TTLL8: variants seen among roughly 807,000 people sequenced by gnomAD.
TTLL8 encodes the protein tubulin tyrosine ligase like 8, also known as protein monoglycylase TTLL8.
A neutral mutation model predicts 77.8 loss-of-function variants in TTLL8; 65 were observed. The observed-to-expected ratio is 0.84, with a 90% CI of 0.68 to 1.03. TTLL8 has a LOEUF of 1.03. TTLL8 is among the 50% of genes least tolerant of loss of function. TTLL8 has a pLI of 0.00. For missense variants in TTLL8, 910 were observed against 1,004.5 expected (o/e 0.91, Z 1.27); for synonymous variants, 402 against 422.8 (o/e 0.95, Z 0.60).
At chr22:50,050,283 T>C in intron 1 of TTLL8, 36 bp from the exon 4 acceptor site, 1 of 1,298,398 alleles carries the variant, frequency 7.7e-7, no homozygotes. Context: ...TTTATTTCAA[T>C]CATTTTTGGG....
intron 5 of TTLL8, among the ~76,000 whole-genome samples, 156 bp from the exon 8 acceptor site, chr22:50,045,545 T>C (rs1195763894): frequency 1.3e-5 from 2 of 150,934 alleles, no homozygotes; most frequent in Non-Finnish European, 3.0e-5. Flanking sequence ...CTGCCTGCCC[T>C]TCTCCCTGCA....
chr22:50,035,638 G>T (rs2061330867), intron 8 of TTLL8, among the ~76,000 whole-genome samples: 1 of 152,178 alleles, frequency 6.6e-6, no homozygotes, highest in Admixed American at 6.5e-5. Context: ...GGCACAGCCA[G>T]CCCCCCGCGC....
intron 12 of TTLL8, among the ~76,000 whole-genome samples, chr22:50,022,319 A>C (rs117957229): frequency 9.0e-5 from 11 of 122,444 alleles, no homozygotes; most frequent in African/African-American, 2.9e-4. Flanking sequence ...CACTCCTCCG[A>C]CGACGTGCAC....
At chr22:50,030,795 G>C (rs1245642104) in exon 12 of TTLL8, 1 of 1,349,080 alleles carries the variant, frequency 7.4e-7, no homozygotes, top group South Asian at 1.2e-5. Flanking sequence ...TGCCTTCAGC[G>C]GCTGCGCGTC....
At chr22:50,018,732 C>T (rs908836750) in intron 12 of TTLL8, among the ~76,000 whole-genome samples, 2 of 152,208 alleles carry the variant, frequency 1.3e-5, no homozygotes, top group African/African-American at 4.8e-5. Context: ...ATTCAATGTT[C>T]GGCGGGAGAG....
intron 12 of TTLL8, among the ~76,000 whole-genome samples, chr22:50,029,512 C>CG (rs1555953744): frequency 4.0e-5 from 6 of 151,788 alleles, no homozygotes; most frequent in Non-Finnish European, 7.4e-5. Flanking sequence ...GAGGCTGAGG[C>CG]GGCGGATCAC....
chr22:50,042,018 G>C (rs1301605840), intron 6 of TTLL8, among the ~76,000 whole-genome samples: 1 of 152,160 alleles, frequency 6.6e-6, no homozygotes, highest in Non-Finnish European at 1.5e-5. Flanking sequence ...CCTGTGTCTG[G>C]GCAGGTGACT....
intron 4 of TTLL8, among the ~76,000 whole-genome samples, chr22:50,046,377 A>G (rs985350495): frequency 6.6e-6 from 1 of 152,224 alleles, no homozygotes; most frequent in Non-Finnish European, 1.5e-5. Flanking sequence ...CCACATGCCC[A>G]GCACTGCCCA....
At chr22:50,035,815 T>A (rs893565859) in intron 8 of TTLL8, among the ~76,000 whole-genome samples, 4 of 152,154 alleles carry the variant, frequency 2.6e-5, no homozygotes, top group African/African-American at 9.7e-5. Context: ...AGGAGGATGA[T>A]CTGTGGGAAG....
At chr22:50,051,100 G>A (rs1245385458) in intron 1 of TTLL8, among the ~76,000 whole-genome samples, 2 of 152,154 alleles carry the variant, frequency 1.3e-5, no homozygotes, top group Non-Finnish European at 2.9e-5. Context: ...GACCTCAGGC[G>A]ATCTGCCCAC....
intron 12 of TTLL8, among the ~76,000 whole-genome samples, chr22:50,029,940 G>A (rs889889552): frequency 5.3e-5 from 8 of 151,540 alleles, no homozygotes; most frequent in African/African-American, 1.9e-4. Context: ...AAGTCTGAAC[G>A]TGTGGCCGAG....
chr22:50,053,328 A>G (rs2061454212), intron 1 of TTLL8, among the ~76,000 whole-genome samples: 1 of 152,236 alleles, frequency 6.6e-6, no homozygotes, highest in Non-Finnish European at 1.5e-5. Context: ...CATTGCACAT[A>G]GCACATTCTC....
chr22:50,030,428 A>G lies in TTLL8; in HGVS notation c.2203+2T>C. The stretch of plus-strand genomic sequence containing the variant: ...CAGCGCACCGCCGGCGGCGCAGGTT[A>G]CCTTTTCCTCCGGGCGGCGGACGCA... On this transcript the variant is annotated splice_donor_variant, in intron 12 of 13. Transcript: ENST00000266182. LOFTEE classifies it high-confidence loss of function. 7.5e-7 allele frequency: 1 copy of G among 1,325,632 alleles called. No homozygotes were observed. Among genetic ancestry groups the G allele is most frequent in the Non-Finnish European group, 9.9e-7 (1 of 1,010,106 alleles). The allele number at this position is 1,325,632 out of a possible 1,614,324, so 82.1% of individuals were successfully genotyped here.
At chr22:50,040,440 T>A (rs1378045905) in intron 8 of TTLL8, among the ~76,000 whole-genome samples, 1 of 152,242 alleles carries the variant, frequency 6.6e-6, no homozygotes, top group Non-Finnish European at 1.5e-5. Context: ...CACAGACTGT[T>A]CCCCAAATGT....
chr22:50,026,627 G>A (rs1213995202), intron 12 of TTLL8, among the ~76,000 whole-genome samples: 1 of 152,240 alleles, frequency 6.6e-6, no homozygotes, highest in East Asian at 1.9e-4. Flanking sequence ...GTCCAATAGT[G>A]ATGATCACCA....
intron 11 of TTLL8, 144 bp from the exon 13 acceptor site, chr22:50,031,069 G>T (rs1239471993): frequency 1.2e-5 from 9 of 723,942 alleles, no homozygotes; most frequent in Non-Finnish European, 1.7e-5. Flanking sequence ...GGGGTCCCAC[G>T]CAGACCCCCA....
At chr22:50,027,694 C>T (rs578177884) in intron 12 of TTLL8, 30 of 985,324 alleles carry the variant, frequency 3.0e-5, no homozygotes, top group African/African-American at 1.4e-4. Flanking sequence ...GTGACCCTGT[C>T]GCCGCAGGCC....
At chr22:50,027,061 C>T (rs988758765) in intron 12 of TTLL8, among the ~76,000 whole-genome samples, 1 of 151,764 alleles carries the variant, frequency 6.6e-6, no homozygotes, top group African/African-American at 2.4e-5. Context: ...TGATGAAACC[C>T]CATCTCTACT....
chr22:50,019,404 G>T (rs2061182582), intron 12 of TTLL8, among the ~76,000 whole-genome samples: 1 of 152,236 alleles, frequency 6.6e-6, no homozygotes, highest in African/African-American at 2.4e-5. Flanking sequence ...AATCACGCAT[G>T]TGTGCTCCCC....
Sources: gnomAD v4.1 joint callset for allele counts (sites outside exome capture counted in the v4.1 genomes callset) on GRCh38, gnomAD v4.1.1 for gene constraint, MANE v1.5 for transcripts, NCBI Gene and HGNC (gene_info 2026-07-23, HGNC 2026-07-21) for gene names.